Variants in RAB3C observed in about 807,000 individuals in gnomAD.
RAB3C encodes the protein ras-related protein Rab-3C.
In RAB3C, 17 loss-of-function variants were observed where a neutral mutation model predicts 26.4. The observed-to-expected ratio is 0.64, with a 90% CI of 0.44 to 0.97. The LOEUF (loss-of-function observed/expected upper bound fraction) is 0.97. Ranked by LOEUF, RAB3C falls within the 50% of genes least tolerant of loss-of-function variation. RAB3C has a pLI of 0.00. For synonymous variants in RAB3C, 91 were observed against 95.9 expected (o/e 0.95, Z 0.30); for missense variants, 242 against 281.9 (o/e 0.86, Z 1.01).
At chr5:58,814,196 T>G (rs1045754734) in intron 3 of RAB3C, among the ~76,000 whole-genome samples, 3 of 152,198 alleles carry the variant, frequency 2.0e-5, no homozygotes, top group Non-Finnish European at 2.9e-5. Flanking sequence ...GTTCTCTTCT[T>G]CTCTTAATAC....
chr5:58,724,009 C>A (rs1392765087), intron 2 of RAB3C, among the ~76,000 whole-genome samples: 1 of 151,792 alleles, frequency 6.6e-6, no homozygotes, highest in Non-Finnish European at 1.5e-5. Context: ...ACTCTAATTA[C>A]ACTATAAGGT....
At chr5:58,780,641 C>T (rs961186072) in intron 3 of RAB3C, among the ~76,000 whole-genome samples, 1 of 152,012 alleles carries the variant, frequency 6.6e-6, no homozygotes, top group African/African-American at 2.4e-5. Flanking sequence ...TGAGTGCTTA[C>T]AATGCATTCA....
intron 3 of RAB3C, among the ~76,000 whole-genome samples, chr5:58,798,990 T>C (rs911549363): frequency 2.6e-5 from 4 of 152,140 alleles, no homozygotes; most frequent in African/African-American, 9.7e-5. Flanking sequence ...AATAGCTAAA[T>C]GTAATAATGT....
rs148192289 is a variant in RAB3C, at chr5:58,655,458, G to A, written c.252+37588G>A. Among the ~76,000 whole-genome samples the A allele has an allele frequency of 1.4e-3, 207 of 152,264 alleles. 1 individual carries two copies. Among genetic ancestry groups the A allele is most frequent in the African/African-American group, 4.7e-3 (195 of 41,566 alleles). On this transcript the variant is annotated intron_variant, in intron 2 of 4. Coordinates refer to ENST00000282878, the MANE Select transcript of RAB3C (RefSeq NM_138453.4). The stretch of plus-strand genomic sequence containing the variant: ...AAACCGGAATCGCTCTTTGATTGTC[G>A]TGTAATTGTTGGGAGGCAAAGGCTC...
intron 2 of RAB3C, among the ~76,000 whole-genome samples, chr5:58,711,300 CTCGCT>C (rs1390999899): frequency 6.6e-6 from 1 of 152,148 alleles, no homozygotes; most frequent in African/African-American, 2.4e-5. Context: ...ATCTGACAGG[CTCGCT>C]TCGATTTTTT....
At chr5:58,591,398 C>T (rs955513545) in intron 1 of RAB3C, among the ~76,000 whole-genome samples, 6 of 151,812 alleles carry the variant, frequency 4.0e-5, no homozygotes, top group Non-Finnish European at 5.9e-5. Context: ...TGAGTTTTTT[C>T]ATATATTTTG....
chr5:58,773,820 C>G (rs375139493), intron 3 of RAB3C, among the ~76,000 whole-genome samples: 1 of 152,126 alleles, frequency 6.6e-6, no homozygotes. Context: ...TTCCCAGGAC[C>G]AATTTATTCC....
intron 4 of RAB3C, among the ~76,000 whole-genome samples, chr5:58,833,039 G>A (rs192844874): frequency 1.6e-3 from 243 of 151,796 alleles, no homozygotes; most frequent in African/African-American, 5.8e-3. Flanking sequence ...TTCAGTTATT[G>A]GGTATGTTTT....
chr5:58,745,744 T>C (rs900264849), intron 3 of RAB3C, among the ~76,000 whole-genome samples: 2 of 152,356 alleles, frequency 1.3e-5, no homozygotes, highest in South Asian at 2.1e-4. Flanking sequence ...CTGTCCCTTA[T>C]ATATCTTACA....
chr5:58,654,754 G>T (rs1747732038), intron 2 of RAB3C, among the ~76,000 whole-genome samples: 1 of 151,982 alleles, frequency 6.6e-6, no homozygotes, highest in South Asian at 2.1e-4. Flanking sequence ...CTGTATAGCT[G>T]TCTTTCCAAA....
intron 3 of RAB3C, among the ~76,000 whole-genome samples, chr5:58,801,810 A>G (rs1742814755): frequency 6.6e-6 from 1 of 152,248 alleles, no homozygotes; most frequent in South Asian, 2.1e-4. Context: ...GCTTAGGGAT[A>G]TAGTGAATCT....
chr5:58,824,085 A>G lies in RAB3C; in HGVS notation c.372-953A>G, dbSNP rs187787298. ...ATTTTTTATGGCTGCATAGTATTCC[A>G]TGGTGTATATGTGCCACATTTTCTT... On this transcript the variant is annotated intron_variant, in intron 3 of 4. Transcript: ENST00000282878. 5.2e-4 allele frequency among the ~76,000 whole-genome samples: 79 copies of G among 151,976 alleles called. 2 individuals are homozygous for G. In the East Asian group the frequency reaches 0.014, roughly 28 times the overall value.
At chr5:58,677,087 T>A (rs1433699847) in intron 2 of RAB3C, among the ~76,000 whole-genome samples, 2 of 152,182 alleles carry the variant, frequency 1.3e-5, no homozygotes, top group Non-Finnish European at 2.9e-5. Context: ...CTCGCTTCTG[T>A]TATTCTGTGG....
intron 2 of RAB3C, among the ~76,000 whole-genome samples, chr5:58,719,041 G>A (rs1740675465): frequency 6.6e-6 from 1 of 152,014 alleles, no homozygotes; most frequent in Non-Finnish European, 1.5e-5. Flanking sequence ...AACATGGTGT[G>A]TAATAATTGA....
At chr5:58,643,559 C>G (rs139868106) in intron 2 of RAB3C, among the ~76,000 whole-genome samples, 209 of 151,992 alleles carry the variant, frequency 1.4e-3, no homozygotes, top group African/African-American at 4.9e-3. Flanking sequence ...ACCTGTAATC[C>G]CAGCTGCTTG....
chr5:58,647,312 A>G (rs158969), intron 2 of RAB3C, among the ~76,000 whole-genome samples: 121,433 of 152,122 alleles, frequency 0.8, 48,750 homozygotes, highest in African/African-American at 0.87. Flanking sequence ...CAATTATGGC[A>G]GAAGGTGAAG....
Position 58,591,401 on chromosome 5 carries a change from A to G in RAB3C, c.24+8169A>G, listed in dbSNP as rs560869405. On this transcript the variant is annotated intron_variant, in intron 1 of 4. Coordinates refer to ENST00000282878, the MANE Select transcript of RAB3C (RefSeq NM_138453.4). ...TTTTAGTTCTTTTGAGTTTTTTCAT[A>G]TATTTTGATACTCTGTTATTAGGTA... Among the ~76,000 whole-genome samples, 6 of 152,034 alleles carry G rather than the reference A, an allele frequency of 3.9e-5. No homozygotes were observed. In the East Asian group the frequency reaches 1.2e-3, roughly 29 times the overall value.
chr5:58,598,827 T>G (rs1746385903), intron 1 of RAB3C, among the ~76,000 whole-genome samples: 1 of 152,136 alleles, frequency 6.6e-6, no homozygotes, highest in Non-Finnish European at 1.5e-5. Flanking sequence ...TGTTAAAACC[T>G]TTTGCCCTCT....
At chr5:58,656,394 G>A (rs1320608893) in intron 2 of RAB3C, among the ~76,000 whole-genome samples, 1 of 152,150 alleles carries the variant, frequency 6.6e-6, no homozygotes, top group Admixed American at 6.5e-5. Flanking sequence ...CAAAAAATAA[G>A]TATGTGAGGT....
Sources: gnomAD v4.1 joint callset for allele counts (sites outside exome capture counted in the v4.1 genomes callset) on GRCh38, gnomAD v4.1.1 for gene constraint, MANE v1.5 for transcripts, NCBI Gene and HGNC (gene_info 2026-07-23, HGNC 2026-07-21) for gene names.